Variants in ASH2L observed in about 807,000 individuals in gnomAD.
The protein encoded by ASH2L is ASH2 like, histone lysine methyltransferase complex subunit, also known as set1/Ash2 histone methyltransferase complex subunit ASH2.
In ASH2L, 30 loss-of-function variants were observed where a neutral mutation model predicts 81.1. That is an observed-to-expected ratio of 0.37 (90% CI 0.28 to 0.50). The LOEUF (loss-of-function observed/expected upper bound fraction) is 0.50. Ranked by LOEUF, ASH2L falls within the 20% of genes least tolerant of loss-of-function variation. ASH2L has a pLI of 0.95. For missense variants in ASH2L, 559 were observed against 792.1 expected (o/e 0.71, Z 3.53); for synonymous variants, 273 against 279.9 (o/e 0.98, Z 0.24).
Position 38,110,373 on chromosome 8 carries a change from C to T in ASH2L, c.402-6C>T, listed in dbSNP as rs371377585. The T allele has an allele frequency of 5.5e-5, 89 of 1,612,198 alleles. No individual in the cohort carries two copies. The highest frequency in any genetic ancestry group is 7.0e-5 in the Non-Finnish European group (82 of 1,178,376). On this transcript the variant is annotated splice_region_variant and splice_polypyrimidine_tract_variant and intron_variant, in intron 3 of 15. Coordinates refer to ENST00000343823, the MANE Select transcript of ASH2L (RefSeq NM_004674.5). ...CACTAATTCGTATAATTTGGCTCTT[C>T]GGCAGATCCTGTCTACCTTTCATGA...
At chr8:38,106,213 T>G (rs539639254) in intron 1 of ASH2L, 165 bp from the exon 2 acceptor site, 10 of 1,436,544 alleles carry the variant, frequency 7.0e-6, no homozygotes, top group African/African-American at 5.6e-5. Context: ...ATGTCCACCT[T>G]CTCAGTATCC....
chr8:38,106,173 C>G, intron 1 of ASH2L: 21 of 1,529,032 alleles, frequency 1.4e-5, no homozygotes, highest in Non-Finnish European at 1.8e-5. Context: ...TTAGGCTTCC[C>G]TGTGCTCCGT....
chr8:38,122,553 A>C (rs1801672658), intron 10 of ASH2L: 1 of 152,110 alleles, frequency 6.6e-6, no homozygotes, highest in Non-Finnish European at 1.5e-5. Context: ...ACTAGGCGTC[A>C]TTGCTTCTAG....
rs1585618815 is a variant in ASH2L, at chr8:38,139,093, A to G, written c.*22A>G. On this transcript the variant is annotated 3_prime_UTR_variant, in exon 16 of 16. Coordinates refer to ENST00000343823, the MANE Select transcript of ASH2L (RefSeq NM_004674.5). ...CTGACCAGGTCCCTCTTTTCTGTCAAGGACTTTCTGGGAATAATACTGGGG... is the reference window on the plus strand; with the variant it reads ...CTGACCAGGTCCCTCTTTTCTGTCAGGGACTTTCTGGGAATAATACTGGGG... The G allele has an allele frequency of 6.5e-7, 1 of 1,536,360 alleles. No homozygotes were observed. Among genetic ancestry groups the G allele is most frequent in the Admixed American group, 2.1e-5 (1 of 48,174 alleles).
chr8:38,112,207 C>G (rs1336343422), intron 5 of ASH2L, among the ~76,000 whole-genome samples: 1 of 152,154 alleles, frequency 6.6e-6, no homozygotes, highest in African/African-American at 2.4e-5. Context: ...TGTGGTCTCA[C>G]TAGCTGGTTT....
At chr8:38,115,065 C>A in intron 7 of ASH2L, 65 bp downstream of exon 7, 1 of 1,076,696 alleles carries the variant, frequency 9.3e-7, no homozygotes, top group South Asian at 1.3e-5. Context: ...TAATCAGGTT[C>A]TGTTTACATT....
chr8:38,135,594 T>C (rs913909223), intron 13 of ASH2L, 74 bp from the exon 14 acceptor site: 11 of 1,111,072 alleles, frequency 9.9e-6, no homozygotes, highest in African/African-American at 3.1e-5. Flanking sequence ...ACTTCTAACA[T>C]ATTTTCCTAG....
chr8:38,136,734 C>T (rs1279564277), intron 14 of ASH2L, among the ~76,000 whole-genome samples: 1 of 149,176 alleles, frequency 6.7e-6, no homozygotes, highest in Non-Finnish European at 1.5e-5. Flanking sequence ...GAGGTCGTGC[C>T]ACTACTCCAG....
chr8:38,132,796 CA>C lies in ASH2L; in HGVS notation c.1528-645del, dbSNP rs35293220. On this transcript the variant is annotated intron_variant, in intron 12 of 15. Coordinates refer to ENST00000343823, the MANE Select transcript of ASH2L (RefSeq NM_004674.5). The stretch of plus-strand genomic sequence containing the variant: ...CCTGGGTGACAGAGTGAGACTGTCT[CA>C]AAAAAAAAAAAAGAATAGGCTGGGC... Among the ~76,000 whole-genome samples, 1,195 of 130,330 alleles carry C rather than the reference CA, an allele frequency of 9.2e-3. 6 individuals are homozygous for C. Among genetic ancestry groups the C allele is most frequent in the Non-Finnish European group, 0.013 (796 of 60,810 alleles). The allele number at this position is 130,330 out of a possible 152,430, so 85.5% of individuals were successfully genotyped here.
At chr8:38,121,852 A>G (rs1284667211) in intron 10 of ASH2L, among the ~76,000 whole-genome samples, 1 of 152,188 alleles carries the variant, frequency 6.6e-6, no homozygotes, top group African/African-American at 2.4e-5. Context: ...TCATTTGGTT[A>G]AGGTGATTCT....
At chr8:38,126,549 A>G (rs921574110) in intron 10 of ASH2L, among the ~76,000 whole-genome samples, 45 of 152,222 alleles carry the variant, frequency 3.0e-4, no homozygotes, top group African/African-American at 1.1e-3. Flanking sequence ...GGACTCTACT[A>G]TTTTTTGAAA....
chr8:38,107,284 T>C, intron 3 of ASH2L, 118 bp downstream of exon 3: 5 of 1,284,574 alleles, frequency 3.9e-6, no homozygotes, highest in Non-Finnish European at 3.3e-6. Flanking sequence ...CTAACCCCTA[T>C]TCAGCAAGTA....
chr8:38,114,856 C>T lies in ASH2L; in HGVS notation c.682-49C>T. The T allele has an allele frequency of 5.7e-6, 7 of 1,236,390 alleles. No homozygotes were observed. The South Asian group carries it at 7.5e-5, about 13-fold the overall frequency. The allele number at this position is 1,236,390 out of a possible 1,614,324, so 76.6% of individuals were successfully genotyped here. A position where few individuals can be genotyped will look rare whatever the true frequency, so the allele number is the denominator to read the frequency against. ...TTAGTGGTTGATTATTAATTCCATA[C>T]TTTTAAGTATAAAATGTTCATTAAT... On this transcript the variant is annotated intron_variant, in intron 6 of 15. Coordinates refer to ENST00000343823, the MANE Select transcript of ASH2L (RefSeq NM_004674.5).
At chr8:38,128,580 G>A in intron 11 of ASH2L, 122 bp downstream of exon 11, 1 of 1,462,152 alleles carries the variant, frequency 6.8e-7, no homozygotes, top group Middle Eastern at 1.8e-4. Context: ...AGTTCCTGAG[G>A]GTTGAGCTGG....
At chr8:38,111,699 A>C (rs987125155) in intron 5 of ASH2L, among the ~76,000 whole-genome samples, 1 of 152,112 alleles carries the variant, frequency 6.6e-6, no homozygotes, top group Admixed American at 6.5e-5. Flanking sequence ...TTCTTCTTAG[A>C]TTTAACAGTT....
At chr8:38,133,104 T>A (rs1023184667) in intron 12 of ASH2L, among the ~76,000 whole-genome samples, 2 of 151,682 alleles carry the variant, frequency 1.3e-5, no homozygotes, top group Non-Finnish European at 2.9e-5. Context: ...AAAAAAAGAA[T>A]AAGAGATTGT....
intron 13 of ASH2L, among the ~76,000 whole-genome samples, chr8:38,134,589 TG>T (rs1012236574): frequency 1.3e-5 from 2 of 152,086 alleles, no homozygotes; most frequent in African/African-American, 4.8e-5. Context: ...CTGGCACATC[TG>T]GGCCAGCCAC....
chr8:38,105,742 A>G lies in ASH2L; in HGVS notation c.188+4A>G. ...GTTCCGGGGAGGCTGAAGGCGGGTA[A>G]GAGGTCCTGCCGCCCGAGGAAGACG... On this transcript the variant is annotated splice_donor_region_variant and intron_variant, in intron 1 of 15. Transcript: ENST00000343823. 6.6e-7 allele frequency: 1 copy of G among 1,513,456 alleles called. No homozygotes were observed. The highest frequency in any genetic ancestry group is 8.8e-7 in the Non-Finnish European group (1 of 1,134,178). The allele number at this position is 1,513,456 out of a possible 1,614,324, so 93.8% of individuals were successfully genotyped here. A position where few individuals can be genotyped will look rare whatever the true frequency, so the allele number is the denominator to read the frequency against.
chr8:38,139,419 T>G lies in ASH2L; in HGVS notation c.*348T>G. The G allele has an allele frequency of 5.6e-6, 1 of 178,810 alleles. No homozygotes were observed. The allele number at this position is 178,810 out of a possible 1,614,324, so 11.1% of individuals were successfully genotyped here. On this transcript the variant is annotated 3_prime_UTR_variant, in exon 16 of 16. Coordinates refer to ENST00000343823, the MANE Select transcript of ASH2L (RefSeq NM_004674.5). ...TAATATTGTCCGAGTAACTAACTTA[T>G]TTAAAAGACATTTCCTTCTGTGGGC...
Sources: gnomAD v4.1 joint callset for allele counts (sites outside exome capture counted in the v4.1 genomes callset) on GRCh38, gnomAD v4.1.1 for gene constraint, MANE v1.5 for transcripts, NCBI Gene and HGNC (gene_info 2026-07-23, HGNC 2026-07-21) for gene names.